STARD8: variants seen among roughly 807,000 people sequenced by gnomAD.
The protein encoded by STARD8 is StAR related lipid transfer domain containing 8.
Under a neutral mutation model 69.4 loss-of-function variants are expected in STARD8, and 25 were observed. The observed-to-expected ratio is 0.36, with a 90% CI of 0.26 to 0.50. STARD8 has a LOEUF of 0.50. Ranked by LOEUF, STARD8 falls within the 20% of genes least tolerant of loss-of-function variation. STARD8 has a pLI of 0.96. For missense variants in STARD8, 921 were observed against 932.5 expected, an observed-to-expected ratio of 0.99 and a Z score of 0.16; for synonymous variants, 389 against 374.6, an observed-to-expected ratio of 1.04 and a Z score of -0.45.
intron 1 of STARD8, among the ~76,000 whole-genome samples, chrX:68,649,997 G>A (rs907731962): frequency 5.4e-5 from 6 of 111,131 alleles, no homozygotes; most frequent in African/African-American, 1.6e-4. Flanking sequence ...TTTGACGCCC[G>A]AGAGGCACCT....
At chrX:68,700,395 C>A (rs1423191973) in intron 2 of STARD8, among the ~76,000 whole-genome samples, 1 of 112,438 alleles carries the variant, frequency 8.9e-6, no homozygotes, top group African/African-American at 3.2e-5. Context: ...GGTCTCCTGA[C>A]CCTCAGCCCT....
Position 68,717,756 on chromosome X carries a change from G to A in STARD8, c.842G>A (p.Trp281Ter), listed in dbSNP as rs371672072. The A allele has an allele frequency of 8.2e-7, 1 of 1,212,156 alleles. No homozygotes were observed. Residue 281 changes from tryptophan (W) to a stop codon, truncating the protein, a stop_gained, in exon 6 of 15, where the codon TGG becomes TAG. Coordinates refer to ENST00000374599, the MANE Select transcript of STARD8 (RefSeq NM_001142503.3). LOFTEE classifies it high-confidence loss of function. ...GANTRKAWEA[W>*]PVASFRHPQW... is the part of the protein sequence containing the mutation. ...AATACTCGGAAGGCCTGGGAGGCCT[G>A]GCCTGTGGCCTCGTTCCGGCATCCT...
intron 2 of STARD8, among the ~76,000 whole-genome samples, chrX:68,701,330 G>A (rs1342112272): frequency 1.8e-5 from 2 of 112,887 alleles, no homozygotes; most frequent in South Asian, 7.3e-4. Flanking sequence ...TCACATATCC[G>A]GGGAGTGATG....
At chrX:68,699,408 C>T (rs1050570171) in intron 2 of STARD8, among the ~76,000 whole-genome samples, 1 of 112,440 alleles carries the variant, frequency 8.9e-6, no homozygotes, top group East Asian at 2.8e-4. Context: ...AAGTTGCTTT[C>T]GTCTTTGGAA....
chrX:68,704,736 G>A lies in STARD8; in HGVS notation c.80-8178G>A, dbSNP rs144824612. Among the ~76,000 whole-genome samples the A allele has an allele frequency of 7.2e-3, 795 of 111,047 alleles. 5 individuals carry two copies. The highest frequency in any genetic ancestry group is 0.024 in the African/African-American group (733 of 30,468). On this transcript the variant is annotated intron_variant, in intron 2 of 14. Transcript: ENST00000374599. The stretch of plus-strand genomic sequence containing the variant: ...GTTTGCGTTGCCACTGAGGTTCCTC[G>A]CTTGGGTCCTCAGAAGAGAATGTGA...
chrX:68,655,871 TCTGTAAAAGC>T (rs1476564452), intron 1 of STARD8, among the ~76,000 whole-genome samples: 1 of 111,922 alleles, frequency 8.9e-6, no homozygotes, highest in Non-Finnish European at 1.9e-5. Flanking sequence ...CGAGATGATG[TCTGTAAAAGC>T]CTGTTACAAG....
chrX:68,711,323 T>C (rs2080049286), intron 2 of STARD8, among the ~76,000 whole-genome samples: 1 of 110,601 alleles, frequency 9.0e-6, no homozygotes, highest in African/African-American at 3.3e-5. Flanking sequence ...ATGCACAGAC[T>C]GAGGTGCCTG....
At chrX:68,701,804 A>G (rs778181255) in intron 2 of STARD8, among the ~76,000 whole-genome samples, 1 of 111,712 alleles carries the variant, frequency 9.0e-6, no homozygotes, top group Admixed American at 9.5e-5. Context: ...AGACATTTGA[A>G]TATGCTCTCT....
chrX:68,657,285 T>C (rs1166551038), intron 1 of STARD8, among the ~76,000 whole-genome samples: 3 of 111,587 alleles, frequency 2.7e-5, no homozygotes, highest in Non-Finnish European at 5.6e-5. Context: ...TTGGACAAAA[T>C]GTGTGTGTGT....
In STARD8 at chrX:68,672,713, G is replaced by GCC. The variant is rs201592729; in HGVS notation, c.79+7184_79+7185dup. Among the ~76,000 whole-genome samples the GCC allele has an allele frequency of 5.8e-4, 58 of 99,922 alleles. 1 individual carries two copies. The highest frequency in any genetic ancestry group is 5.0e-3 in the Middle Eastern group (1 of 202). The allele number at this position is 99,922 out of a possible 115,157, so 86.8% of individuals were successfully genotyped here. Reference sequence around the variant, plus strand: ...TAAAACTAAATTCCATTCAAACAGCGCCCCACCCCCCATGGCAGGGCAGCC... The same window carrying GCC: ...TAAAACTAAATTCCATTCAAACAGCGCCCCCCACCCCCCATGGCAGGGCAGCC... On this transcript the variant is annotated intron_variant, in intron 2 of 14. Transcript: ENST00000374599.
chrX:68,693,956 G>T, intron 2 of STARD8: 2 of 471,093 alleles, frequency 4.2e-6, no homozygotes, highest in Non-Finnish European at 5.3e-6. Flanking sequence ...GGCGGCGTAC[G>T]CAAGAGACAG....
chrX:68,690,598 C>T (rs1368259405), intron 2 of STARD8, among the ~76,000 whole-genome samples: 1 of 112,075 alleles, frequency 8.9e-6, no homozygotes, highest in Admixed American at 9.4e-5. Flanking sequence ...TCAGTGTCAT[C>T]CTGCCACCTG....
chrX:68,653,281 A>AG (rs2079580046), intron 1 of STARD8, among the ~76,000 whole-genome samples: 1 of 37,864 alleles, frequency 2.6e-5, no homozygotes, highest in Non-Finnish European at 4.5e-5. Context: ...ACCACACCAC[A>AG]CACACACCAC....
In STARD8 at chrX:68,722,463, C is replaced by T. The variant is rs371031481; in HGVS notation, c.2616C>T (p.Ser872=). The change falls in exon 12 of 15, where the codon AGC becomes AGT. Residue 872 remains serine (S), a synonymous_variant. Coordinates refer to ENST00000374599, the MANE Select transcript of STARD8 (RefSeq NM_001142503.3). ...DMVLQLCSSY[S]AAELSPPGPA... ...TGCTGCAGCTGTGCAGCTCCTACAGCGCAGCTGAGCTCAGCCCTCCCGGCC... is the reference window on the plus strand; with the variant it reads ...TGCTGCAGCTGTGCAGCTCCTACAGTGCAGCTGAGCTCAGCCCTCCCGGCC... 5.1e-5 allele frequency: 61 copies of T among 1,207,032 alleles called. No individual in the cohort carries two copies. Among genetic ancestry groups the T allele is most frequent in the Middle Eastern group, 2.4e-4 (1 of 4,131 alleles).
chrX:68,656,777 A>C (rs1308453959), intron 1 of STARD8, among the ~76,000 whole-genome samples: 1 of 110,829 alleles, frequency 9.0e-6, no homozygotes, highest in Non-Finnish European at 1.9e-5. Flanking sequence ...CAAACACCGC[A>C]TGTTCTCACT....
At chrX:68,684,447 A>G (rs1266292889) in intron 2 of STARD8, among the ~76,000 whole-genome samples, 1 of 112,879 alleles carries the variant, frequency 8.9e-6, no homozygotes, top group Non-Finnish European at 1.9e-5. Context: ...CCTTCCTTCT[A>G]GGCCGCTGCC....
At chrX:68,655,393 C>T (rs991243612) in intron 1 of STARD8, among the ~76,000 whole-genome samples, 28 of 112,156 alleles carry the variant, frequency 2.5e-4, no homozygotes, top group African/African-American at 8.4e-4. Flanking sequence ...AGGCAAGGGC[C>T]TATACTCCAT....
intron 2 of STARD8, among the ~76,000 whole-genome samples, chrX:68,673,600 C>G (rs896114597): frequency 8.9e-6 from 1 of 112,248 alleles, no homozygotes; most frequent in African/African-American, 3.2e-5. Context: ...CTTTTCAGTT[C>G]TAGTTTCTGG....
chrX:68,679,170 G>A (rs184069095), intron 2 of STARD8, among the ~76,000 whole-genome samples: 1 of 112,147 alleles, frequency 8.9e-6, no homozygotes, highest in Admixed American at 9.4e-5. Flanking sequence ...TGGTTCATTG[G>A]CTTTTAAAAC....
Sources: gnomAD v4.1 joint callset for allele counts (sites outside exome capture counted in the v4.1 genomes callset) on GRCh38, gnomAD v4.1.1 for gene constraint, MANE v1.5 for transcripts, NCBI Gene and HGNC (gene_info 2026-07-23, HGNC 2026-07-21) for gene names.